Variants in DOCK4 observed in about 807,000 individuals in gnomAD.
DOCK4 encodes the protein dedicator of cytokinesis protein 4.
In DOCK4, 97 loss-of-function variants were observed where a neutral mutation model predicts 268.1. That is an observed-to-expected ratio of 0.36 (90% confidence interval 0.31 to 0.43). The LOEUF (loss-of-function observed/expected upper bound fraction) is 0.43. Ranked by LOEUF, DOCK4 falls within the 20% of genes least tolerant of loss-of-function variation. The probability of loss-of-function intolerance (pLI) is 1.00; values close to 1 mark genes in which losing one functional copy is unlikely to be tolerated. For synonymous variants in DOCK4, 954 were observed against 887.2 expected, an observed-to-expected ratio of 1.08 and a Z score of -1.34; for missense variants, 2,145 against 2,455.7, an observed-to-expected ratio of 0.87 and a Z score of 2.67.
rs536238084 is a variant in DOCK4, at chr7:112,138,946, T to C, written c.37+67156A>G. Among the ~76,000 whole-genome samples the C allele has an allele frequency of 2.0e-5, 3 of 152,300 alleles. No individual in the cohort carries two copies. In the East Asian group the frequency reaches 5.8e-4, roughly 29 times the overall value. On this transcript the variant is annotated intron_variant, in intron 1 of 52. Transcript: ENST00000428084. ...TCAACTCTGCAGGTTGGCCTAACCC[T>C]AACCCTAACCCCTCTGCAGGTAGGC...
intron 51 of DOCK4, among the ~76,000 whole-genome samples, chr7:111,734,680 A>C (rs898308013): frequency 6.6e-6 from 1 of 152,254 alleles, no homozygotes; most frequent in South Asian, 2.1e-4. Context: ...CTTTGGCATC[A>C]GTCCTGAATA....
intron 1 of DOCK4, among the ~76,000 whole-genome samples, chr7:112,122,903 A>AT (rs1812869267): frequency 6.6e-6 from 1 of 152,158 alleles, no homozygotes; most frequent in South Asian, 2.1e-4. Context: ...ATCACTTCCA[A>AT]TTTTCTCATA....
rs1563534410 is a variant in DOCK4 at position 111,809,412 on chromosome 7, A to G, written c.3007-11T>C. On this transcript the variant is annotated splice_polypyrimidine_tract_variant and intron_variant, in intron 28 of 52. Transcript: ENST00000428084. ...GTAGGAATCCCAGATCTAAAACAAG[A>G]ACAAGATATATCAATACTATGGTGT... The G allele has an allele frequency of 6.5e-7, 1 of 1,538,272 alleles. No homozygotes were observed. Among genetic ancestry groups the G allele is most frequent in the Non-Finnish European group, 8.8e-7 (1 of 1,133,732 alleles).
rs1230735873 is a variant in DOCK4, at chr7:111,872,506, G to C, written c.1803C>G (p.Leu601=). 6.2e-7 allele frequency: 1 copy of C among 1,603,872 alleles called. No homozygotes were observed. The highest frequency in any genetic ancestry group is 8.5e-7 in the Non-Finnish European group (1 of 1,174,612). ...RTHPDKITGC[L]SKLKEIDGSE... ...AGCCATCAATTTCTTTTAATTTAGA[G>C]AGACAGCCAGTGATCTTGTCTGGGT... Residue 601 remains leucine, a synonymous_variant, in exon 18 of 53, where the codon CTC becomes CTG. Coordinates refer to ENST00000428084, the MANE Select transcript of DOCK4 (RefSeq NM_001363540.2).
chr7:111,837,261 C>T (rs1485413878), intron 25 of DOCK4, among the ~76,000 whole-genome samples: 2 of 151,922 alleles, frequency 1.3e-5, no homozygotes, highest in Non-Finnish European at 2.9e-5. Context: ...AAAAAAACCC[C>T]AAAAACTATT....
chr7:112,077,915 G>A (rs1212489413), intron 1 of DOCK4, among the ~76,000 whole-genome samples: 3 of 151,870 alleles, frequency 2.0e-5, no homozygotes, highest in Non-Finnish European at 4.4e-5. Flanking sequence ...ACATCAAAGC[G>A]GTCCCAGAAA....
At chr7:111,895,553 T>C (rs1280712797) in intron 16 of DOCK4, 59 bp downstream of exon 16, 21 of 1,356,184 alleles carry the variant, frequency 1.5e-5, no homozygotes, top group South Asian at 1.3e-4. Context: ...GATAAGATAG[T>C]GAGGTGTTAT....
intron 13 of DOCK4, among the ~76,000 whole-genome samples, chr7:111,910,901 C>G (rs1792039060): frequency 1.3e-5 from 2 of 152,210 alleles, no homozygotes; most frequent in South Asian, 4.1e-4. Context: ...AGCATATGGA[C>G]AGGTACCTCC....
At chr7:111,898,252 A>C (rs1562860579) in intron 15 of DOCK4, among the ~76,000 whole-genome samples, 1 of 152,164 alleles carries the variant, frequency 6.6e-6, no homozygotes, top group Non-Finnish European at 1.5e-5. Context: ...TTTCAACCTC[A>C]AGCCTTTTGT....
intron 28 of DOCK4, among the ~76,000 whole-genome samples, chr7:111,810,495 CA>C (rs1282277158): frequency 7.9e-5 from 12 of 151,370 alleles, no homozygotes; most frequent in African/African-American, 2.4e-4. Context: ...AGACAATTCA[CA>C]AAAATATGAA....
At position 111,901,670 on chromosome 7, in the gene DOCK4, AAC is replaced by A; in HGVS notation, c.1317+5_1317+6del. ...GTTTGACCTGGAAATATCAAGTATTAACATACCTTCAGGGTTTGGCCACTACT... is the reference window on the plus strand; with the variant it reads ...GTTTGACCTGGAAATATCAAGTATTAATACCTTCAGGGTTTGGCCACTACT... On this transcript the variant is annotated splice_donor_5th_base_variant and intron_variant, in intron 14 of 52. Transcript: ENST00000428084. The A allele has an allele frequency of 6.2e-7, 1 of 1,613,360 alleles. No individual in the cohort carries two copies. Among genetic ancestry groups the A allele is most frequent in the East Asian group, 2.2e-5 (1 of 44,844 alleles).
chr7:111,834,796 C>A (rs1016312897), intron 25 of DOCK4, 110 bp from the exon 26 acceptor site: 7 of 692,644 alleles, frequency 1.0e-5, no homozygotes, highest in African/African-American at 3.8e-5. Flanking sequence ...AATGAAATCA[C>A]GATGATCCAA....
intron 36 of DOCK4, among the ~76,000 whole-genome samples, chr7:111,775,833 C>A (rs1279322229): frequency 6.6e-6 from 1 of 152,134 alleles, no homozygotes; most frequent in Non-Finnish European, 1.5e-5. Context: ...GAGAGACCAA[C>A]TGCAGGGAGT....
At chr7:112,056,916 A>G (rs1304718581) in intron 1 of DOCK4, among the ~76,000 whole-genome samples, 3 of 152,156 alleles carry the variant, frequency 2.0e-5, no homozygotes, top group Non-Finnish European at 4.4e-5. Flanking sequence ...TTAATATTTT[A>G]TTAAACATAA....
At chr7:111,741,697 A>T in intron 45 of DOCK4, 36 bp from the exon 46 acceptor site, 1 of 1,603,908 alleles carries the variant, frequency 6.2e-7, no homozygotes, top group Non-Finnish European at 8.5e-7. Context: ...TCATTACAGT[A>T]ATGATTTGGG....
At position 112,206,218 on chromosome 7, in the gene DOCK4, G is replaced by A. The variant is rs1821397224; in HGVS notation, c.-80C>T. ...GCTCACAACAATGCACAGTCCCCGA[G>A]CAGCGCTGCAGTGCCGGAGCCCAGC... is the stretch of plus-strand genomic sequence containing the variant. On this transcript the variant is annotated 5_prime_UTR_variant, in exon 1 of 53. Coordinates refer to ENST00000428084, the MANE Select transcript of DOCK4 (RefSeq NM_001363540.2). 1 of 1,449,818 alleles carries A rather than the reference G, an allele frequency of 6.9e-7. No individual in the cohort carries two copies. The highest frequency in any genetic ancestry group is 1.4e-5 in the African/African-American group (1 of 70,796). The allele number at this position is 1,449,818 out of a possible 1,614,324, so 89.8% of individuals were successfully genotyped here.
chr7:111,948,330 C>T (rs754982377), intron 8 of DOCK4, among the ~76,000 whole-genome samples: 1 of 152,116 alleles, frequency 6.6e-6, no homozygotes, highest in Non-Finnish European at 1.5e-5. Flanking sequence ...AATTCAAAAC[C>T]CTAGCACTCC....
chr7:111,901,469 T>C (rs1470766392), intron 14 of DOCK4, among the ~76,000 whole-genome samples: 2 of 152,136 alleles, frequency 1.3e-5, no homozygotes, highest in African/African-American at 4.8e-5. Flanking sequence ...GACTGCGTTT[T>C]TCTGCTCTCT....
At chr7:111,784,493 A>G in intron 32 of DOCK4, 1 of 486,260 alleles carries the variant, frequency 2.1e-6, no homozygotes, top group South Asian at 1.5e-5. Flanking sequence ...TTCACTTAAC[A>G]TTTGCCCACT....
Sources: gnomAD v4.1 joint callset for allele counts (sites outside exome capture counted in the v4.1 genomes callset) on GRCh38, gnomAD v4.1.1 for gene constraint, MANE v1.5 for transcripts, NCBI Gene and HGNC (gene_info 2026-07-23, HGNC 2026-07-21) for gene names.